The following DLGAP5 variants were observed in gnomAD, a reference collection of about 807,000 sequenced individuals.
DLGAP5 encodes disks large-associated protein 5.
Under a neutral mutation model 99.6 loss-of-function variants are expected in DLGAP5, and 90 were observed. The ratio of observed to expected loss-of-function variants is 0.90; its 90% CI spans 0.76 to 1.08. DLGAP5 has a LOEUF of 1.08. Among genes scored for constraint, DLGAP5 ranks in the 50% least tolerant of loss-of-function variants. DLGAP5 has a pLI of 0.00. For missense variants in DLGAP5, 1,036 were observed against 983.5 expected (o/e 1.05, Z -0.71); for synonymous variants, 311 against 321.3 (o/e 0.97, Z 0.34).
At chr14:55,190,616 A>T (rs1301789587) in intron 1 of DLGAP5, among the ~76,000 whole-genome samples, 1 of 152,232 alleles carries the variant, frequency 6.6e-6, no homozygotes, top group Admixed American at 6.5e-5. Flanking sequence ...ACAAGAATTA[A>T]CTAAATCCAC....
intron 13 of DLGAP5, among the ~76,000 whole-genome samples, chr14:55,160,197 T>C (rs1448958633): frequency 1.3e-5 from 2 of 151,360 alleles, no homozygotes; most frequent in African/African-American, 2.4e-5. Context: ...ACCTAGACTC[T>C]ATCTCAAAAA....
chr14:55,168,562 C>T (rs1387146095), intron 12 of DLGAP5, among the ~76,000 whole-genome samples: 1 of 148,660 alleles, frequency 6.7e-6, no homozygotes, highest in East Asian at 1.9e-4. Context: ...GTTCAAAACG[C>T]TAGAGTCATC....
intron 6 of DLGAP5, among the ~76,000 whole-genome samples, chr14:55,180,411 G>A (rs1361084583): frequency 6.6e-6 from 1 of 152,096 alleles, no homozygotes; most frequent in Non-Finnish European, 1.5e-5. Context: ...TAAATGAACT[G>A]TGATTTACTC....
At chr14:55,178,129 A>G (rs1311151440) in intron 7 of DLGAP5, among the ~76,000 whole-genome samples, 2 of 151,452 alleles carry the variant, frequency 1.3e-5, no homozygotes, top group South Asian at 2.1e-4. Flanking sequence ...GCAGGCGCCT[A>G]TAGTCCCAGC....
chr14:55,172,037 A>G (rs1361963560), intron 10 of DLGAP5, among the ~76,000 whole-genome samples: 2 of 152,094 alleles, frequency 1.3e-5, no homozygotes, highest in Non-Finnish European at 1.5e-5. Flanking sequence ...TAATTTTTGT[A>G]TTTTTAGTAG....
chr14:55,175,712 T>C (rs560470242), intron 9 of DLGAP5, among the ~76,000 whole-genome samples, 182 bp downstream of exon 9: 263 of 152,278 alleles, frequency 1.7e-3, no homozygotes, highest in Non-Finnish European at 2.8e-3. Context: ...TCTTTACCCA[T>C]GCTTTCCCGT....
intron 1 of DLGAP5, among the ~76,000 whole-genome samples, chr14:55,189,908 C>G (rs765983397): frequency 3.9e-4 from 59 of 152,116 alleles, no homozygotes; most frequent in Non-Finnish European, 4.4e-5. Context: ...TGAGGTGGGG[C>G]TGAAAATGCC....
At chr14:55,152,557 TG>T in intron 16 of DLGAP5, 32 bp downstream of exon 16, 1 of 1,534,852 alleles carries the variant, frequency 6.5e-7, no homozygotes, top group Non-Finnish European at 8.8e-7. Context: ...TATGACATAC[TG>T]GGCTATCTAA....
At chr14:55,190,808 C>G (rs555772441) in intron 1 of DLGAP5, among the ~76,000 whole-genome samples, 2 of 152,322 alleles carry the variant, frequency 1.3e-5, no homozygotes, top group South Asian at 4.1e-4. Context: ...CTGTCTTCTA[C>G]TATTTATCTC....
At chr14:55,182,257 A>G in intron 4 of DLGAP5, 113 bp downstream of exon 4, 1 of 870,958 alleles carries the variant, frequency 1.1e-6, no homozygotes, top group Non-Finnish European at 1.7e-6. Flanking sequence ...GTACCTGTTA[A>G]CTCTAGTAAA....
chr14:55,152,920 G>A (rs1358902998), intron 15 of DLGAP5, among the ~76,000 whole-genome samples: 1 of 152,126 alleles, frequency 6.6e-6, no homozygotes, highest in Admixed American at 6.5e-5. Flanking sequence ...GCAATACTCT[G>A]AATCTCAGCC....
chr14:55,184,978 T>C (rs1365296436), intron 2 of DLGAP5, among the ~76,000 whole-genome samples: 1 of 152,228 alleles, frequency 6.6e-6, no homozygotes, highest in Non-Finnish European at 1.5e-5. Flanking sequence ...CTATTTATTA[T>C]AATAGATGTA....
chr14:55,155,050 T>C (rs1039901772), intron 14 of DLGAP5, among the ~76,000 whole-genome samples: 6 of 152,162 alleles, frequency 3.9e-5, no homozygotes, highest in Non-Finnish European at 7.4e-5. Flanking sequence ...TGAGACAGAG[T>C]CTTACACTGT....
At chr14:55,176,085 A>C (rs1883052341) in intron 8 of DLGAP5, 67 bp from the exon 9 acceptor site, 1 of 1,383,496 alleles carries the variant, frequency 7.2e-7, no homozygotes. Flanking sequence ...AAAGGGTTTC[A>C]AAATTGTGTC....
At chr14:55,166,067 T>C (rs767193529) in intron 12 of DLGAP5, among the ~76,000 whole-genome samples, 3 of 152,118 alleles carry the variant, frequency 2.0e-5, no homozygotes, top group Non-Finnish European at 4.4e-5. Context: ...CAAGAGAAAT[T>C]TAAAAAGATA....
At chr14:55,182,021 T>C (rs1883293599) in intron 4 of DLGAP5, among the ~76,000 whole-genome samples, 1 of 152,192 alleles carries the variant, frequency 6.6e-6, no homozygotes, top group South Asian at 2.1e-4. Context: ...CCTCCTGATA[T>C]CTCTATTACA....
At position 55,189,188 on chromosome 14, in the gene DLGAP5, G is replaced by A; in HGVS notation, c.-1-8C>T. The A allele has an allele frequency of 6.2e-7, 1 of 1,604,334 alleles. No homozygotes were observed. Among genetic ancestry groups the A allele is most frequent in the African/African-American group, 1.3e-5 (1 of 74,710 alleles). On this transcript the variant is annotated splice_region_variant and splice_polypyrimidine_tract_variant and intron_variant, in intron 1 of 18. Coordinates refer to ENST00000247191, the MANE Select transcript of DLGAP5 (RefSeq NM_014750.5). ...AAATGTGATGAAGACATCCTGTCAA[G>A]GAAAAGGACAAAACCCAACTTACAT...
Position 55,183,771 on chromosome 14 carries a change from C to T in DLGAP5, c.239-18G>A. On this transcript the variant is annotated intron_variant, in intron 2 of 18. Transcript: ENST00000247191. Reference sequence around the variant, plus strand: ...CATTGCCCCTAGGCAGAAAAAAAACCAAAACCACACAGTATATAAAACATT... The same window carrying T: ...CATTGCCCCTAGGCAGAAAAAAAACTAAAACCACACAGTATATAAAACATT... 1 of 1,532,460 alleles carries T rather than the reference C, an allele frequency of 6.5e-7. No homozygotes were observed. Among genetic ancestry groups the T allele is most frequent in the South Asian group, 1.3e-5 (1 of 79,122 alleles). 94.9% of individuals were successfully genotyped at this position (1,532,460 alleles called of 1,614,324 possible).
chr14:55,185,091 C>G (rs550790583), intron 2 of DLGAP5, among the ~76,000 whole-genome samples: 2 of 152,308 alleles, frequency 1.3e-5, no homozygotes, highest in South Asian at 4.1e-4. Flanking sequence ...AAGTTACAAG[C>G]ATGCGGTAAT....
Sources: gnomAD v4.1 joint callset for allele counts (sites outside exome capture counted in the v4.1 genomes callset) on GRCh38, gnomAD v4.1.1 for gene constraint, MANE v1.5 for transcripts, NCBI Gene and HGNC (gene_info 2026-07-23, HGNC 2026-07-21) for gene names.